The following CXCL13 variants were observed in gnomAD, a reference collection of about 807,000 sequenced individuals.
CXCL13 encodes C-X-C motif chemokine 13.
Under a neutral mutation model 12.2 loss-of-function variants are expected in CXCL13, and 7 were observed. That is an observed-to-expected ratio of 0.57 (90% CI 0.33 to 1.07). The LOEUF (loss-of-function observed/expected upper bound fraction) is 1.07, where lower values mean the gene tolerates loss of function less well. Among genes scored for constraint, CXCL13 ranks in the 50% least tolerant of loss-of-function variants. The pLI is 0.04. For missense variants in CXCL13, 113 were observed against 127.4 expected (o/e 0.89, Z 0.55); for synonymous variants, 47 against 42.4 (o/e 1.11, Z -0.42).
chr4:77,522,148 T>C (rs1453746359), intron 1 of CXCL13, among the ~76,000 whole-genome samples: 1 of 152,116 alleles, frequency 6.6e-6, no homozygotes, highest in Non-Finnish European at 1.5e-5. Context: ...TCAATTTTGG[T>C]ATAAGGGCAA....
intron 1 of CXCL13, among the ~76,000 whole-genome samples, chr4:77,513,920 G>C (rs1217193542): frequency 6.6e-6 from 1 of 151,550 alleles, no homozygotes; most frequent in Non-Finnish European, 1.5e-5. Flanking sequence ...TCGTCATCTA[G>C]CATTAGGTAT....
intron 1 of CXCL13, among the ~76,000 whole-genome samples, chr4:77,591,412 G>A (rs927448981): frequency 5.3e-5 from 8 of 151,798 alleles, no homozygotes; most frequent in East Asian, 1.9e-4. Context: ...TTAGCCAGGC[G>A]TGGTGGCAGG....
chr4:77,583,844 A>G (rs1421138352), intron 1 of CXCL13, among the ~76,000 whole-genome samples: 1 of 152,202 alleles, frequency 6.6e-6, no homozygotes, highest in Non-Finnish European at 1.5e-5. Context: ...TTCATGGGCT[A>G]GGTGAGTTTG....
At chr4:77,583,501 C>A (rs912533576) in intron 1 of CXCL13, among the ~76,000 whole-genome samples, 3 of 152,210 alleles carry the variant, frequency 2.0e-5, no homozygotes, top group African/African-American at 7.2e-5. Context: ...CCTGAACATA[C>A]TCTTCAACCA....
chr4:77,523,817 T>A (rs897419864), intron 1 of CXCL13, among the ~76,000 whole-genome samples: 1 of 152,234 alleles, frequency 6.6e-6, no homozygotes, highest in African/African-American at 2.4e-5. Flanking sequence ...TTTCAGCTTT[T>A]CTGCTCTGGT....
At chr4:77,538,191 C>T (rs1725107452) in intron 1 of CXCL13, among the ~76,000 whole-genome samples, 1 of 152,144 alleles carries the variant, frequency 6.6e-6, no homozygotes, top group Admixed American at 6.5e-5. Context: ...CTTTGGGTTG[C>T]AATGAGAGAG....
At chr4:77,567,516 T>C (rs1244419978) in intron 1 of CXCL13, among the ~76,000 whole-genome samples, 2 of 152,208 alleles carry the variant, frequency 1.3e-5, no homozygotes, top group Non-Finnish European at 2.9e-5. Flanking sequence ...AGGAACTCTG[T>C]TAACAACTAA....
At chr4:77,544,509 AT>A (rs1276958354) in intron 1 of CXCL13, among the ~76,000 whole-genome samples, 1 of 152,034 alleles carries the variant, frequency 6.6e-6, no homozygotes, top group East Asian at 1.9e-4. Context: ...GATGATGAGC[AT>A]TTTTTCTGTG....
intron 1 of CXCL13, among the ~76,000 whole-genome samples, chr4:77,535,844 G>T (rs1010326316): frequency 3.9e-5 from 6 of 152,142 alleles, no homozygotes; most frequent in African/African-American, 1.4e-4. Context: ...TTCAGCATTT[G>T]AGTGCCAGAT....
At chr4:77,574,548 G>GTCA (rs1418905278) in intron 1 of CXCL13, among the ~76,000 whole-genome samples, 1 of 151,828 alleles carries the variant, frequency 6.6e-6, no homozygotes, top group Non-Finnish European at 1.5e-5. Flanking sequence ...CTTACAGTGA[G>GTCA]TCATTATTAC....
intron 1 of CXCL13, among the ~76,000 whole-genome samples, chr4:77,578,548 T>C (rs1298625166): frequency 6.6e-6 from 1 of 152,190 alleles, no homozygotes; most frequent in Non-Finnish European, 1.5e-5. Context: ...GCCACGAGAA[T>C]TTCATGCCTT....
chr4:77,575,059 G>A (rs972444657), intron 1 of CXCL13, among the ~76,000 whole-genome samples: 8 of 152,008 alleles, frequency 5.3e-5, no homozygotes, highest in Admixed American at 3.9e-4. Context: ...GAAATTCTGT[G>A]TGTGAACATA....
At chr4:77,580,132 T>C (rs1185334518) in intron 1 of CXCL13, among the ~76,000 whole-genome samples, 2 of 151,982 alleles carry the variant, frequency 1.3e-5, no homozygotes, top group Non-Finnish European at 2.9e-5. Context: ...GGTGAGAAAT[T>C]ATTTAATGGG....
rs141980811 is a variant in CXCL13, at chr4:77,549,890, G to A, written c.-43+38102G>A. Among the ~76,000 whole-genome samples the A allele has an allele frequency of 6.4e-3, 969 of 152,314 alleles. 17 individuals carry two copies. Among genetic ancestry groups the A allele is most frequent in the African/African-American group, 0.021 (871 of 41,564 alleles). On this transcript the variant is annotated intron_variant, in intron 1 of 4. Coordinates refer to the CXCL13 transcript ENST00000286758. ...CTCTTCAAAGCTGTCAGACTGGGAC[G>A]TTTAAGTCTGCAGAAGTTTCTGTTG...
intron 1 of CXCL13, among the ~76,000 whole-genome samples, chr4:77,586,414 A>G (rs1186813554): frequency 6.6e-6 from 1 of 152,172 alleles, no homozygotes; most frequent in Non-Finnish European, 1.5e-5. Context: ...GAAGTTTGCT[A>G]TATCTCCGGT....
At chr4:77,576,898 T>G (rs1375797564) in intron 1 of CXCL13, among the ~76,000 whole-genome samples, 1 of 152,140 alleles carries the variant, frequency 6.6e-6, no homozygotes, top group African/African-American at 2.4e-5. Flanking sequence ...GAGAGAGAAA[T>G]TATGTTTCCA....
intron 1 of CXCL13, among the ~76,000 whole-genome samples, chr4:77,591,009 A>G (rs550577123): frequency 2.6e-5 from 4 of 152,236 alleles, no homozygotes; most frequent in African/African-American, 9.6e-5. Flanking sequence ...CCTCCTAAGT[A>G]GCTGGGATTA....
At chr4:77,576,696 A>G (rs1726206770) in intron 1 of CXCL13, among the ~76,000 whole-genome samples, 2 of 152,224 alleles carry the variant, frequency 1.3e-5, no homozygotes, top group Admixed American at 1.3e-4. Flanking sequence ...TCAGCTTTAA[A>G]AAGTCCTATC....
chr4:77,517,997 G>A (rs1724473315), intron 1 of CXCL13, among the ~76,000 whole-genome samples: 1 of 151,976 alleles, frequency 6.6e-6, no homozygotes, highest in African/African-American at 2.4e-5. Flanking sequence ...TTTAAGGGCA[G>A]GCCTGGTGGT....
Sources: allele counts gnomAD v4.1 joint callset (sites outside exome capture counted in the v4.1 genomes callset), GRCh38; gene constraint gnomAD v4.1.1; transcripts MANE v1.5; gene names NCBI Gene and HGNC (gene_info 2026-07-23, HGNC 2026-07-21).